The following KALRN variants were observed in gnomAD, a reference collection of about 807,000 sequenced individuals.
The protein encoded by KALRN is kalirin RhoGEF kinase.
A neutral mutation model predicts 353.7 loss-of-function variants in KALRN; 70 were observed. The observed-to-expected ratio is 0.20, with a 90% CI of 0.16 to 0.24. The LOEUF (loss-of-function observed/expected upper bound fraction) is 0.24. Among genes scored for constraint, KALRN ranks in the 10% least tolerant of loss-of-function variants. KALRN has a pLI of 1.00. For synonymous variants in KALRN, 1,391 were observed against 1,434.8 expected (o/e 0.97, Z 0.69); for missense variants, 2,791 against 3,756.7 (o/e 0.74, Z 6.72).
chr3:124,489,041 T>C (rs1337376760), intron 29 of KALRN, among the ~76,000 whole-genome samples: 1 of 152,196 alleles, frequency 6.6e-6, no homozygotes, highest in Non-Finnish European at 1.5e-5. Context: ...ATTTGTTAGA[T>C]GAGTTAAGAT....
At position 124,550,934 on chromosome 3, in the gene KALRN, A is replaced by G. The variant is rs531772854; in HGVS notation, c.4936-11909A>G. On this transcript the variant is annotated intron_variant, in intron 33 of 59. Coordinates refer to ENST00000682506, the MANE Select transcript of KALRN (RefSeq NM_001388419.1). The stretch of plus-strand genomic sequence containing the variant: ...AACCCGGGAGATGGAGCTTGCAGTG[A>G]GCCGAGATCGCACCACTGCATTCCA... Among the ~76,000 whole-genome samples the G allele has an allele frequency of 3.9e-5, 6 of 152,290 alleles. No individual in the cohort carries two copies. In the East Asian group the frequency reaches 1.2e-3, roughly 29 times the overall value.
intron 1 of KALRN, among the ~76,000 whole-genome samples, chr3:124,165,044 GA>G (rs2070605857): frequency 6.6e-6 from 1 of 152,190 alleles, no homozygotes; most frequent in Admixed American, 6.5e-5. Context: ...CTTCTGTTCA[GA>G]GTTTCTAGGT....
chr3:124,647,720 A>G (rs1019977281), intron 37 of KALRN, among the ~76,000 whole-genome samples: 2 of 152,174 alleles, frequency 1.3e-5, no homozygotes, highest in Non-Finnish European at 2.9e-5. Flanking sequence ...TAGATGTTCA[A>G]TAAATATTTT....
chr3:124,481,459 G>A (rs954792646), intron 27 of KALRN, among the ~76,000 whole-genome samples: 3 of 152,040 alleles, frequency 2.0e-5, no homozygotes, highest in African/African-American at 4.8e-5. Context: ...CTCCCGCCTC[G>A]GCCTCCCAAA....
chr3:124,487,475 TG>T (rs928243797), intron 28 of KALRN, among the ~76,000 whole-genome samples: 3 of 152,166 alleles, frequency 2.0e-5, no homozygotes, highest in African/African-American at 7.2e-5. Context: ...GTGCCAGACT[TG>T]GATTCAGGAG....
intron 1 of KALRN, among the ~76,000 whole-genome samples, chr3:124,227,118 T>A (rs1237265728): frequency 2.0e-5 from 3 of 152,196 alleles, no homozygotes; most frequent in Non-Finnish European, 4.4e-5. Context: ...CACACTGGGC[T>A]GGATTGTCCT....
rs983863643 is a variant in KALRN at position 124,346,264 on chromosome 3, G to A, written c.1648-879G>A. On this transcript the variant is annotated intron_variant, in intron 9 of 59. Transcript: ENST00000682506. ...TTAAAGGCTTTCATCCTCCCTGCACGTCAAGGCTTTTACTAAGGGATTTCC... is the reference window on the plus strand; with the variant it reads ...TTAAAGGCTTTCATCCTCCCTGCACATCAAGGCTTTTACTAAGGGATTTCC... Among the ~76,000 whole-genome samples, 8 of 152,120 alleles carry A rather than the reference G, an allele frequency of 5.3e-5. No homozygotes were observed. In the South Asian group the frequency reaches 8.3e-4, roughly 16 times the overall value.
chr3:124,642,127 A>C (rs1293769938), intron 37 of KALRN, among the ~76,000 whole-genome samples: 1 of 152,130 alleles, frequency 6.6e-6, no homozygotes, highest in Non-Finnish European at 1.5e-5. Context: ...AGTAAAATAC[A>C]AAAGAAATTA....
intron 57 of KALRN, among the ~76,000 whole-genome samples, chr3:124,702,719 T>G (rs1268138997): frequency 1.1e-4 from 17 of 152,158 alleles, no homozygotes; most frequent in Non-Finnish European, 1.5e-5. Flanking sequence ...ATTGCCCGTG[T>G]ACCAAGCACA....
chr3:124,125,196 T>G (rs1578329587), intron 1 of KALRN, among the ~76,000 whole-genome samples: 2 of 152,216 alleles, frequency 1.3e-5, no homozygotes, highest in African/African-American at 4.8e-5. Flanking sequence ...ACAATAGCCT[T>G]CTGAATCAGT....
intron 51 of KALRN, among the ~76,000 whole-genome samples, chr3:124,691,490 G>A (rs1441628074): frequency 6.6e-6 from 1 of 152,106 alleles, no homozygotes; most frequent in African/African-American, 2.4e-5. Flanking sequence ...TATTTGGGAA[G>A]CCCACATAAG....
chr3:124,543,469 T>C (rs1033903202), intron 33 of KALRN, among the ~76,000 whole-genome samples: 1 of 151,894 alleles, frequency 6.6e-6, no homozygotes, highest in African/African-American at 2.4e-5. Flanking sequence ...GCCCAGCTAA[T>C]TTTTTATATT....
intron 6 of KALRN, among the ~76,000 whole-genome samples, chr3:124,318,100 A>G (rs2078982732): frequency 6.6e-6 from 1 of 152,262 alleles, no homozygotes; most frequent in South Asian, 2.1e-4. Context: ...TGGCTGCTTA[A>G]TGGTTTGTAA....
intron 23 of KALRN, 78 bp downstream of exon 23, chr3:124,456,806 A>T (rs1357224910): frequency 7.5e-6 from 7 of 939,130 alleles, no homozygotes; most frequent in Non-Finnish European, 1.2e-5. Flanking sequence ...CCCTTTGGAT[A>T]GCTTAATATG....
intron 3 of KALRN, among the ~76,000 whole-genome samples, chr3:124,246,341 C>T (rs911178038): frequency 2.0e-5 from 3 of 152,256 alleles, no homozygotes; most frequent in Non-Finnish European, 4.4e-5. Context: ...GGTCACAGGG[C>T]CTGCTCTGCA....
chr3:124,498,455 A>G (rs2064128200), intron 33 of KALRN, among the ~76,000 whole-genome samples: 1 of 152,180 alleles, frequency 6.6e-6, no homozygotes, highest in Non-Finnish European at 1.5e-5. Context: ...GGCTCAGGAG[A>G]TACTTGTGGA....
chr3:124,296,710 A>G (rs1473367344), intron 5 of KALRN, among the ~76,000 whole-genome samples: 2 of 152,136 alleles, frequency 1.3e-5, no homozygotes, highest in African/African-American at 2.4e-5. Context: ...CCCCAGCCAC[A>G]CTTCCTCCTT....
At chr3:124,623,645 G>A (rs187068407) in intron 34 of KALRN, among the ~76,000 whole-genome samples, 8 of 152,154 alleles carry the variant, frequency 5.3e-5, no homozygotes, top group Admixed American at 2.6e-4. Context: ...TTCTAACTGC[G>A]CTGGCAGCTG....
intron 3 of KALRN, 55 bp downstream of exon 3, chr3:124,234,998 C>A: frequency 1.5e-6 from 2 of 1,318,188 alleles, no homozygotes; most frequent in South Asian, 1.3e-5. Context: ...GGGCTGATGC[C>A]AGTTTTGGAA....
Sources: gnomAD v4.1 joint callset for allele counts (sites outside exome capture counted in the v4.1 genomes callset) on GRCh38, gnomAD v4.1.1 for gene constraint, MANE v1.5 for transcripts, NCBI Gene and HGNC (gene_info 2026-07-23, HGNC 2026-07-21) for gene names.